Variants in IGF2BP3 observed in about 807,000 individuals in gnomAD.
The protein encoded by IGF2BP3 is insulin-like growth factor 2 mRNA-binding protein 3.
In IGF2BP3, 9 loss-of-function variants were observed where a neutral mutation model predicts 73.8. That is an observed-to-expected ratio of 0.12 (90% CI 0.07 to 0.21). The LOEUF (loss-of-function observed/expected upper bound fraction) is 0.21. IGF2BP3 is among the 10% of genes least tolerant of loss of function. The probability of loss-of-function intolerance (pLI) is 1.00; values close to 1 mark genes in which losing one functional copy is unlikely to be tolerated. For synonymous variants in IGF2BP3, 258 were observed against 256.7 expected (o/e 1.01, Z -0.05); for missense variants, 542 against 714.0 (o/e 0.76, Z 2.75).
At chr7:23,383,393 C>T in intron 3 of IGF2BP3, among the ~76,000 whole-genome samples, 1 of 152,130 alleles carries the variant, frequency 6.6e-6, no homozygotes, top group East Asian at 1.9e-4. Context: ...TGCTTGATAT[C>T]ATTAGTCATC....
intron 5 of IGF2BP3, among the ~76,000 whole-genome samples, chr7:23,353,595 C>G (rs1191061602): frequency 6.6e-6 from 1 of 152,218 alleles, no homozygotes; most frequent in Admixed American, 6.5e-5. Context: ...TATATGTTTA[C>G]AAACACATGT....
At chr7:23,385,541 T>C (rs1009222038) in intron 3 of IGF2BP3, among the ~76,000 whole-genome samples, 2 of 151,970 alleles carry the variant, frequency 1.3e-5, no homozygotes, top group African/African-American at 4.8e-5. Context: ...GAACATGTAC[T>C]GTACTTCAAG....
At chr7:23,457,478 T>G (rs907022338) in intron 2 of IGF2BP3, among the ~76,000 whole-genome samples, 8 of 152,076 alleles carry the variant, frequency 5.3e-5, no homozygotes, top group Middle Eastern at 3.2e-3. Context: ...AAAAAAAATT[T>G]TTTTTAAACT....
At chr7:23,463,342 G>A (rs887325061) in intron 2 of IGF2BP3, among the ~76,000 whole-genome samples, 7 of 152,148 alleles carry the variant, frequency 4.6e-5, no homozygotes, top group African/African-American at 1.7e-4. Flanking sequence ...AACTTGTGTC[G>A]CTCATAATAG....
intron 2 of IGF2BP3, among the ~76,000 whole-genome samples, chr7:23,451,460 G>A (rs1039014330): frequency 6.6e-6 from 1 of 151,858 alleles, no homozygotes; most frequent in Admixed American, 6.6e-5. Context: ...ACATGTAATG[G>A]GTTTTTTATA....
chr7:23,383,578 C>T (rs1362862842), intron 3 of IGF2BP3, among the ~76,000 whole-genome samples: 1 of 152,148 alleles, frequency 6.6e-6, no homozygotes, highest in East Asian at 1.9e-4. Flanking sequence ...CTGGCAATTT[C>T]TCAAAATGTT....
intron 2 of IGF2BP3, among the ~76,000 whole-genome samples, chr7:23,447,072 C>T (rs958556604): frequency 2.7e-4 from 41 of 151,860 alleles, no homozygotes; most frequent in African/African-American, 9.0e-4. Context: ...AGTGCAGTGG[C>T]GGGCACCTGT....
chr7:23,349,407 A>T (rs956488092), intron 6 of IGF2BP3, among the ~76,000 whole-genome samples: 15 of 152,196 alleles, frequency 9.9e-5, no homozygotes, highest in Non-Finnish European at 2.2e-4. Context: ...AATAACTAAT[A>T]AAAAAATAGT....
At chr7:23,317,545 T>C (rs1014556249) in intron 12 of IGF2BP3, 94 bp downstream of exon 12, 2 of 868,416 alleles carry the variant, frequency 2.3e-6, no homozygotes, top group African/African-American at 1.7e-5. Flanking sequence ...ATTGACTCTT[T>C]CTGAGATTTA....
chr7:23,402,680 A>G (rs1335301058), intron 3 of IGF2BP3: 1 of 152,242 alleles, frequency 6.6e-6, no homozygotes, highest in Non-Finnish European at 1.5e-5. Flanking sequence ...TTTTTATAGC[A>G]GACTGACAAG....
rs937593530 is a variant in IGF2BP3 at position 23,386,396 on chromosome 7, G to A, written c.286-24655C>T. Among the ~76,000 whole-genome samples the A allele has an allele frequency of 3.9e-5, 6 of 152,008 alleles. No homozygotes were observed. In the South Asian group the frequency reaches 6.2e-4, roughly 16 times the overall value. On this transcript the variant is annotated intron_variant, in intron 3 of 14. Transcript: ENST00000258729. ...AATATCTTGTAGTGCCAGAAAGTAC[G>A]TACTCAAAAAGAAAAAACCAATCGC...
intron 10 of IGF2BP3, among the ~76,000 whole-genome samples, chr7:23,341,143 C>T (rs933006639): frequency 2.6e-5 from 4 of 152,142 alleles, no homozygotes; most frequent in Non-Finnish European, 4.4e-5. Context: ...AGCCATGGCA[C>T]TTGGCCTAAG....
intron 5 of IGF2BP3, among the ~76,000 whole-genome samples, chr7:23,352,784 T>C (rs77145141): frequency 0.061 from 9,273 of 152,190 alleles, 954 homozygotes; most frequent in African/African-American, 0.21. Flanking sequence ...TCTAATACCA[T>C]AGATTAATTC....
intron 3 of IGF2BP3, among the ~76,000 whole-genome samples, chr7:23,363,525 G>A (rs541031727): frequency 3.7e-4 from 56 of 152,304 alleles, no homozygotes; most frequent in African/African-American, 1.2e-3. Context: ...GAGATTACAG[G>A]CGTGACCCAG....
At chr7:23,377,280 C>T (rs990348599) in intron 3 of IGF2BP3, among the ~76,000 whole-genome samples, 4 of 152,118 alleles carry the variant, frequency 2.6e-5, no homozygotes, top group Non-Finnish European at 5.9e-5. Context: ...AAACTCAACA[C>T]TAAAAGGCCA....
chr7:23,386,546 A>G (rs1171401821), intron 3 of IGF2BP3, among the ~76,000 whole-genome samples: 1 of 152,246 alleles, frequency 6.6e-6, no homozygotes, highest in African/African-American at 2.4e-5. Flanking sequence ...GTAGTATTAG[A>G]CTATAGCTCA....
At chr7:23,387,059 C>T (rs1338990550) in intron 3 of IGF2BP3, among the ~76,000 whole-genome samples, 1 of 144,140 alleles carries the variant, frequency 6.9e-6, no homozygotes, top group East Asian at 2.1e-4. Context: ...CGGCAAGACT[C>T]TGTCAAAAAA....
At chr7:23,323,352 T>A (rs938391934) in intron 10 of IGF2BP3, among the ~76,000 whole-genome samples, 2 of 145,002 alleles carry the variant, frequency 1.4e-5, no homozygotes, top group Admixed American at 1.4e-4. Flanking sequence ...AAGGGATCAA[T>A]TCAACAAGAA....
chr7:23,379,248 C>T (rs1457266788), intron 3 of IGF2BP3, among the ~76,000 whole-genome samples: 1 of 152,220 alleles, frequency 6.6e-6, no homozygotes, highest in Non-Finnish European at 1.5e-5. Context: ...TTTCCCCACA[C>T]CCACTGTTGC....
Sources: allele counts gnomAD v4.1 joint callset (sites outside exome capture counted in the v4.1 genomes callset), GRCh38; gene constraint gnomAD v4.1.1; transcripts MANE v1.5; gene names NCBI Gene and HGNC (gene_info 2026-07-23, HGNC 2026-07-21).